Variants in NLGN1 observed in about 807,000 individuals in gnomAD.
NLGN1 encodes neuroligin-1.
A neutral mutation model predicts 65.5 loss-of-function variants in NLGN1; 12 were observed. The observed-to-expected ratio is 0.18, with a 90% CI of 0.12 to 0.30. NLGN1 has a LOEUF of 0.30. NLGN1 is among the 10% of genes least tolerant of loss of function. The probability of loss-of-function intolerance (pLI) is 1.00; values close to 1 mark genes in which losing one functional copy is unlikely to be tolerated. For missense variants in NLGN1, 750 were observed against 1,007.1 expected, an observed-to-expected ratio of 0.74 and a Z score of 3.46; for synonymous variants, 350 against 359.5, an observed-to-expected ratio of 0.97 and a Z score of 0.30.
intron 3 of NLGN1, among the ~76,000 whole-genome samples, chr3:173,647,617 A>G (rs1030978983): frequency 6.6e-6 from 1 of 152,162 alleles, no homozygotes. Flanking sequence ...AAAATGGAAA[A>G]TATTTTAAAC....
chr3:173,646,720 C>A (rs1170914058), intron 3 of NLGN1, among the ~76,000 whole-genome samples: 1 of 151,694 alleles, frequency 6.6e-6, no homozygotes, highest in African/African-American at 2.4e-5. Context: ...AAAAAGGATA[C>A]AAAATGGAAT....
chr3:173,464,170 A>G, intron 2 of NLGN1, among the ~76,000 whole-genome samples: 1 of 152,126 alleles, frequency 6.6e-6, no homozygotes, highest in Non-Finnish European at 1.5e-5. Flanking sequence ...GCATTTACTG[A>G]AAGTCTACTA....
At position 173,947,928 on chromosome 3, in the gene NLGN1, C is replaced by T. The variant is rs1210441915; in HGVS notation, c.646+140096C>T. On this transcript the variant is annotated intron_variant, in intron 4 of 6. Transcript: ENST00000457714. ...AAATAAATGATTTCTTCATCTCACT[C>T]AATGGTAGTACCTGTTGCTGTAAGA... Among the ~76,000 whole-genome samples, 7 of 152,140 alleles carry T rather than the reference C, an allele frequency of 4.6e-5. No individual in the cohort carries two copies. The South Asian group carries it at 1.2e-3, about 27-fold the overall frequency.
intron 3 of NLGN1, among the ~76,000 whole-genome samples, chr3:173,778,632 T>G (rs1415711944): frequency 6.6e-6 from 1 of 151,936 alleles, no homozygotes; most frequent in African/African-American, 2.4e-5. Flanking sequence ...TATTAAACCT[T>G]CATAATTTTT....
At chr3:173,563,467 A>G (rs1198642069) in intron 2 of NLGN1, among the ~76,000 whole-genome samples, 2 of 152,242 alleles carry the variant, frequency 1.3e-5, no homozygotes, top group African/African-American at 2.4e-5. Context: ...ATCTTCCATA[A>G]AGAGAAGTAG....
At chr3:174,094,282 T>C (rs1187675893) in intron 4 of NLGN1, among the ~76,000 whole-genome samples, 1 of 152,220 alleles carries the variant, frequency 6.6e-6, no homozygotes, top group Non-Finnish European at 1.5e-5. Context: ...TTTCTACCTT[T>C]TGTTTTTCAT....
intron 4 of NLGN1, among the ~76,000 whole-genome samples, chr3:173,826,873 G>A (rs983324584): frequency 6.6e-6 from 1 of 152,078 alleles, no homozygotes; most frequent in African/African-American, 2.4e-5. Flanking sequence ...GCAGAAAAAG[G>A]TCTCTGGTTT....
chr3:174,256,515 G>C (rs1005450457), intron 4 of NLGN1, among the ~76,000 whole-genome samples: 6 of 152,036 alleles, frequency 3.9e-5, no homozygotes, highest in Non-Finnish European at 7.4e-5. Flanking sequence ...TTATAGACAT[G>C]AGTGCTTTCA....
At chr3:174,154,612 T>C (rs975117074) in intron 4 of NLGN1, among the ~76,000 whole-genome samples, 6 of 151,928 alleles carry the variant, frequency 3.9e-5, no homozygotes, top group African/African-American at 1.4e-4. Context: ...TCCAGGGCAG[T>C]CATGACTTAA....
At chr3:173,767,216 G>A (rs1778904304) in intron 3 of NLGN1, among the ~76,000 whole-genome samples, 1 of 152,032 alleles carries the variant, frequency 6.6e-6, no homozygotes, top group African/African-American at 2.4e-5. Flanking sequence ...TGTAAAATTG[G>A]TACTGAAAAC....
At position 174,242,517 on chromosome 3, in the gene NLGN1, C is replaced by T. The variant is rs115658437; in HGVS notation, c.647-32798C>T. ...TTACTGCCTGCGCTCCATCTCCTGT[C>T]AAATCAGTGGCAGCATTAGATTCTC... On this transcript the variant is annotated intron_variant, in intron 4 of 6. Coordinates refer to ENST00000457714, the Ensembl canonical transcript of NLGN1. 3.0e-3 allele frequency among the ~76,000 whole-genome samples: 452 copies of T among 152,248 alleles called. 1 individual carries two copies. Among genetic ancestry groups the T allele is most frequent in the African/African-American group, 0.01 (428 of 41,544 alleles).
intron 4 of NLGN1, among the ~76,000 whole-genome samples, chr3:174,059,424 A>G (rs966457313): frequency 3.9e-5 from 6 of 152,160 alleles, no homozygotes; most frequent in Admixed American, 2.6e-4. Context: ...GCTATAAATG[A>G]AAGGTTTTGG....
chr3:173,929,225 T>A (rs1326972084), intron 4 of NLGN1, among the ~76,000 whole-genome samples: 1 of 152,208 alleles, frequency 6.6e-6, no homozygotes, highest in Admixed American at 6.6e-5. Flanking sequence ...CTTGCCTAAT[T>A]CAATTGCTCA....
At chr3:174,009,278 C>T in intron 4 of NLGN1, among the ~76,000 whole-genome samples, 1 of 152,056 alleles carries the variant, frequency 6.6e-6, no homozygotes, top group East Asian at 1.9e-4. Flanking sequence ...TAATACCATT[C>T]CATTAGGGAG....
downstream of NLGN1, among the ~76,000 whole-genome samples, chr3:174,290,077 G>C (rs1454733369): frequency 6.7e-6 from 1 of 149,850 alleles, no homozygotes; most frequent in Non-Finnish European, 1.5e-5. Context: ...ATAAAAGTAA[G>C]TTTCAAATTT....
At chr3:173,975,790 T>C (rs960095066) in intron 4 of NLGN1, among the ~76,000 whole-genome samples, 2 of 152,130 alleles carry the variant, frequency 1.3e-5, no homozygotes, top group South Asian at 4.1e-4. Flanking sequence ...TTTATCATAT[T>C]TTTGGTGGCA....
intron 4 of NLGN1, among the ~76,000 whole-genome samples, chr3:174,272,715 A>AGAT (rs1256013864): frequency 1.3e-5 from 2 of 151,546 alleles, no homozygotes; most frequent in African/African-American, 2.4e-5. Flanking sequence ...AGATATAGAT[A>AGAT]GATAGAAAGA....
chr3:174,077,079 CAATAGA>C (rs1741169899), intron 4 of NLGN1, among the ~76,000 whole-genome samples: 1 of 151,932 alleles, frequency 6.6e-6, no homozygotes, highest in African/African-American at 2.4e-5. Flanking sequence ...AACTGATTCT[CAATAGA>C]AAATTTGCCT....
At chr3:173,551,184 G>A (rs1209286249) in intron 2 of NLGN1, among the ~76,000 whole-genome samples, 1 of 152,152 alleles carries the variant, frequency 6.6e-6, no homozygotes, top group African/African-American at 2.4e-5. Context: ...ACAGAAATTA[G>A]AGGAATCTTA....
Sources: gnomAD v4.1 joint callset for allele counts (sites outside exome capture counted in the v4.1 genomes callset) on GRCh38, gnomAD v4.1.1 for gene constraint, MANE v1.5 for transcripts, NCBI Gene and HGNC (gene_info 2026-07-23, HGNC 2026-07-21) for gene names.